Variants in TCF20 observed in about 807,000 individuals in gnomAD.
TCF20 encodes the protein SPRE-binding protein.
In TCF20, 3 loss-of-function variants were observed where a neutral mutation model predicts 148.6. The observed-to-expected ratio is 0.02, with a 90% CI of 0.01 to 0.05. TCF20 has a LOEUF of 0.05. TCF20 is among the 10% of genes least tolerant of loss of function. The pLI is 1.00. For missense variants in TCF20, 2,350 were observed against 2,429.3 expected, an observed-to-expected ratio of 0.97 and a Z score of 0.69; for synonymous variants, 1,049 against 909.5, an observed-to-expected ratio of 1.15 and a Z score of -2.76.
At chr22:42,204,662 T>C (rs1427274636) in intron 2 of TCF20, among the ~76,000 whole-genome samples, 4 of 152,026 alleles carry the variant, frequency 2.6e-5, no homozygotes, top group South Asian at 4.2e-4. Context: ...CTGGCCAACA[T>C]GGTGAAACCC....
intron 3 of TCF20, among the ~76,000 whole-genome samples, chr22:42,178,192 C>T (rs964281369): frequency 1.3e-5 from 2 of 152,164 alleles, no homozygotes; most frequent in Non-Finnish European, 2.9e-5. Context: ...CCCTATGTTT[C>T]TTTCATGTGG....
chr22:42,286,073 AGCCACTGACCCCTCTGAGCCT>A, upstream of TCF20, among the ~76,000 whole-genome samples: 1 of 152,100 alleles, frequency 6.6e-6, no homozygotes. Context: ...ACCTTAGACA[AGCCACTGACCCCTCTGAGCCT>A]GCCTCACCCT....
intron 1 of TCF20, among the ~76,000 whole-genome samples, chr22:42,265,202 G>A (rs1339190852): frequency 6.6e-6 from 1 of 152,202 alleles, no homozygotes; most frequent in Non-Finnish European, 1.5e-5. Context: ...TGTACCAAGG[G>A]TATTACAGGA....
intron 1 of TCF20, among the ~76,000 whole-genome samples, chr22:42,320,839 C>A (rs1927719276): frequency 1.3e-5 from 2 of 152,182 alleles, no homozygotes; most frequent in African/African-American, 2.4e-5. Flanking sequence ...ACTGCGAATA[C>A]CTGGCTGGCA....
chr22:42,245,788 G>T (rs1023707938), intron 1 of TCF20, among the ~76,000 whole-genome samples: 1 of 151,890 alleles, frequency 6.6e-6, no homozygotes, highest in African/African-American at 2.4e-5. Context: ...TTTTATTTAT[G>T]TATTTTTTGG....
At chr22:42,201,836 A>C (rs180869678) in intron 2 of TCF20, among the ~76,000 whole-genome samples, 19 of 152,220 alleles carry the variant, frequency 1.2e-4, no homozygotes, top group African/African-American at 4.6e-4. Flanking sequence ...CTTTCGCTTT[A>C]GATAATCGCT....
chr22:42,199,158 A>C (rs1410332404), intron 2 of TCF20, among the ~76,000 whole-genome samples: 1 of 152,224 alleles, frequency 6.6e-6, no homozygotes, highest in South Asian at 2.1e-4. Context: ...TTTTACAATA[A>C]GAATAATACT....
intron 1 of TCF20, among the ~76,000 whole-genome samples, chr22:42,259,653 C>G (rs1002884803): frequency 2.7e-4 from 41 of 152,214 alleles, no homozygotes; most frequent in African/African-American, 9.6e-4. Context: ...TTTCCCAAAA[C>G]AAGTTTTGCC....
At chr22:42,169,670 G>A (rs1380071202) in intron 4 of TCF20, among the ~76,000 whole-genome samples, 177 bp downstream of exon 4, 4 of 152,098 alleles carry the variant, frequency 2.6e-5, no homozygotes, top group Non-Finnish European at 5.9e-5. Context: ...CCATGCCACG[G>A]GTCTCCCTTC....
intron 1 of TCF20, among the ~76,000 whole-genome samples, 62 bp downstream of exon 1, chr22:42,270,277 G>A (rs1194618632): frequency 6.6e-6 from 1 of 151,954 alleles, no homozygotes; most frequent in Non-Finnish European, 1.5e-5. Flanking sequence ...GGACACCCCG[G>A]CCCGGCCCCA....
At chr22:42,209,438 C>T (rs1920923343) in intron 2 of TCF20, among the ~76,000 whole-genome samples, 1 of 152,156 alleles carries the variant, frequency 6.6e-6, no homozygotes, top group Admixed American at 6.5e-5. Flanking sequence ...TAATAATATG[C>T]TTCATAAGCA....
intron 1 of TCF20, among the ~76,000 whole-genome samples, chr22:42,220,488 C>T (rs940527551): frequency 6.6e-6 from 1 of 152,160 alleles, no homozygotes; most frequent in African/African-American, 2.4e-5. Flanking sequence ...TTGTGCCTGG[C>T]CCCAGCTAAT....
At chr22:42,230,658 GCAAA>G (rs925820331) in intron 1 of TCF20, among the ~76,000 whole-genome samples, 11 of 150,430 alleles carry the variant, frequency 7.3e-5, no homozygotes, top group Non-Finnish European at 1.2e-4. Flanking sequence ...AAAAACCAAA[GCAAA>G]CAAACAAAAG....
At chr22:42,289,792 C>G (rs1185127043) in intron 1 of TCF20, among the ~76,000 whole-genome samples, 1 of 152,198 alleles carries the variant, frequency 6.6e-6, no homozygotes, top group Non-Finnish European at 1.5e-5. Context: ...GCAGCCTGCC[C>G]CGGGCACAGC....
At chr22:42,237,170 G>A (rs775384784) in intron 1 of TCF20, among the ~76,000 whole-genome samples, 4 of 152,134 alleles carry the variant, frequency 2.6e-5, no homozygotes, top group Non-Finnish European at 5.9e-5. Context: ...TTTCAAAACT[G>A]CAGTCAGTTC....
In TCF20 at chr22:42,210,033, T is replaced by G; in HGVS notation, c.5273A>C (p.Asn1758Thr). The G allele has an allele frequency of 6.2e-7, 1 of 1,612,900 alleles. No individual in the cohort carries two copies. The highest frequency in any genetic ancestry group is 1.1e-5 in the South Asian group (1 of 91,076). ...KVKVRHKSAS[N>T]GSKTDTEEEE... Reference sequence around the variant, plus strand: ...CTCCTCAGTGTCCGTCTTGGAGCCATTAGAAGCACTTTTGTGCCGTACCTT... The same window carrying G: ...CTCCTCAGTGTCCGTCTTGGAGCCAGTAGAAGCACTTTTGTGCCGTACCTT... Residue 1758 changes from asparagine (N) to threonine (T), a missense_variant, in exon 2 of 6, where the codon AAT becomes ACT. Physicochemically the swap from Asn to Thr is moderately conservative, Grantham distance 65. This residue lies in a region of TCF20 where 374 missense variants were observed against 398.3 expected (regional missense o/e 0.94). Transcript: ENST00000677622. The surrounding 1 kb of genome is among the most constrained non-coding windows in gnomAD (Gnocchi z 4.7).
chr22:42,215,356 A>T lies in TCF20; in HGVS notation c.-36-15T>A. The T allele has an allele frequency of 6.5e-7, 1 of 1,550,088 alleles. No individual in the cohort carries two copies. Among genetic ancestry groups the T allele is most frequent in the Non-Finnish European group, 8.7e-7 (1 of 1,151,234 alleles). On this transcript the variant is annotated splice_polypyrimidine_tract_variant and intron_variant, in intron 1 of 5. Coordinates refer to ENST00000677622, the MANE Select transcript of TCF20 (RefSeq NM_001378418.1). ...CAACAGCCCTCCTAGAAATAGAAGA[A>T]AGAAAAACATTAGACACGCATCTCC... is the stretch of plus-strand genomic sequence containing the variant.
chr22:42,260,172 G>A (rs1925954576), intron 1 of TCF20, among the ~76,000 whole-genome samples: 1 of 152,086 alleles, frequency 6.6e-6, no homozygotes, highest in Admixed American at 6.5e-5. Context: ...ACACAGGAAG[G>A]AGCCAAGTGT....
intron 1 of TCF20, among the ~76,000 whole-genome samples, chr22:42,295,232 C>T (rs1548304): frequency 0.42 from 64,251 of 151,938 alleles, 14,212 homozygotes; most frequent in Admixed American, 0.52. Flanking sequence ...CATACAGCTG[C>T]CCCTGCACCA....
Sources: allele counts gnomAD v4.1 joint callset (sites outside exome capture counted in the v4.1 genomes callset), GRCh38; gene constraint gnomAD v4.1.1; regional missense constraint gnomAD v4.1.1; non-coding constraint Gnocchi (gnomAD v3.1); transcripts MANE v1.5; gene names NCBI Gene and HGNC (gene_info 2026-07-23, HGNC 2026-07-21).